The following IGF2R variants were observed in gnomAD, a reference collection of about 807,000 sequenced individuals.
IGF2R encodes insulin like growth factor 2 receptor, also known as cation-independent mannose-6-phosphate receptor.
A neutral mutation model predicts 270.6 loss-of-function variants in IGF2R; 91 were observed. That is an observed-to-expected ratio of 0.34 (90% CI 0.28 to 0.40). The LOEUF is 0.40. Ranked by LOEUF, IGF2R falls within the 10% of genes least tolerant of loss-of-function variation. The pLI is 1.00. For missense variants in IGF2R, 2,805 were observed against 3,188.3 expected (o/e 0.88, Z 2.90); for synonymous variants, 1,316 against 1,258.9 (o/e 1.05, Z -0.96).
intron 31 of IGF2R, 59 bp downstream of exon 31, chr6:160,070,117 A>G (rs1562366511): frequency 2.6e-6 from 4 of 1,524,198 alleles, no homozygotes; most frequent in Admixed American, 1.7e-5. Context: ...GCCCATGTGC[A>G]GGGCGGTGAG....
At chr6:160,003,053 G>A (rs1217112813) in intron 2 of IGF2R, among the ~76,000 whole-genome samples, 1 of 152,186 alleles carries the variant, frequency 6.6e-6, no homozygotes, top group Non-Finnish European at 1.5e-5. Flanking sequence ...TTGGCTTCTT[G>A]TTGGTGACCT....
chr6:160,074,046 T>A, intron 35 of IGF2R, 71 bp downstream of exon 35: 1 of 1,099,224 alleles, frequency 9.1e-7, no homozygotes, highest in South Asian at 1.4e-5. Flanking sequence ...GCGTTGTTTC[T>A]TGCCTTCAGT....
intron 34 of IGF2R, 52 bp downstream of exon 34, chr6:160,073,521 C>T (rs1273038411): frequency 2.5e-6 from 4 of 1,595,064 alleles, no homozygotes; most frequent in East Asian, 4.5e-5. Flanking sequence ...CCTGGCTGCA[C>T]CCGGGCCCCT....
At position 160,009,120 on chromosome 6, in the gene IGF2R, T is replaced by C; in HGVS notation, c.400T>C (p.Cys134Arg). ...HRVQSSIAFL[C>R]GKTLGTPEFV... ...AGTCCAGAGCAGCATTGCCTTCCTG[T>C]GTGGGAAAACCCTGGTGAGTCCACA... Residue 134 changes from cysteine (C) to arginine (R), a missense_variant, in exon 3 of 48, where the codon TGT becomes CGT. Physicochemically the swap from Cys to Arg is radical, Grantham distance 180. This residue lies in a region of IGF2R where 954 missense variants were observed against 981.1 expected (regional missense o/e 0.97). Transcript: ENST00000356956. 6.2e-7 allele frequency: 1 copy of C among 1,613,780 alleles called. No individual in the cohort carries two copies. Among genetic ancestry groups the C allele is most frequent in the East Asian group, 2.2e-5 (1 of 44,858 alleles).
chr6:160,018,889 A>G (rs1362757889), intron 4 of IGF2R, among the ~76,000 whole-genome samples: 1 of 152,190 alleles, frequency 6.6e-6, no homozygotes, highest in Non-Finnish European at 1.5e-5. Flanking sequence ...ACAACCTAAT[A>G]TCACACTTCA....
chr6:160,060,545 A>G lies in IGF2R; in HGVS notation c.3092-2A>G. 2 of 1,614,138 alleles carry G rather than the reference A, an allele frequency of 1.2e-6. No homozygotes were observed. The highest frequency in any genetic ancestry group is 1.7e-6 in the Non-Finnish European group (2 of 1,179,970). Reference sequence around the variant, plus strand: ...TAAAATCTGGGCCTTCTTGCTTTACAGGTACCGCTGATGCTTTTATCGTCC... The same window carrying G: ...TAAAATCTGGGCCTTCTTGCTTTACGGGTACCGCTGATGCTTTTATCGTCC... On this transcript the variant is annotated splice_acceptor_variant, in intron 22 of 47. Transcript: ENST00000356956. LOFTEE classifies it high-confidence loss of function.
intron 4 of IGF2R, among the ~76,000 whole-genome samples, chr6:160,011,610 A>T (rs1321766372): frequency 6.6e-6 from 1 of 150,882 alleles, no homozygotes; most frequent in Non-Finnish European, 1.5e-5. Flanking sequence ...ATACGCAAGA[A>T]TAAATTACAT....
intron 1 of IGF2R, among the ~76,000 whole-genome samples, chr6:159,969,956 A>T (rs3798210): frequency 0.29 from 44,024 of 151,334 alleles, 7,081 homozygotes; most frequent in East Asian, 0.66. Context: ...ATATATATAT[A>T]TTTTTAGCAG....
At chr6:160,089,503 A>G (rs1268771459) in intron 43 of IGF2R, among the ~76,000 whole-genome samples, 1 of 152,202 alleles carries the variant, frequency 6.6e-6, no homozygotes, top group African/African-American at 2.4e-5. Flanking sequence ...TCTTCATGAT[A>G]ATCTCAGGGG....
At chr6:160,078,398 G>C in intron 37 of IGF2R, 36 bp downstream of exon 37, 1 of 1,599,064 alleles carries the variant, frequency 6.3e-7, no homozygotes, top group Non-Finnish European at 8.6e-7. Context: ...TGGTGCAGGT[G>C]TACCAGGTGC....
At chr6:160,007,886 C>T (rs545393196) in intron 2 of IGF2R, among the ~76,000 whole-genome samples, 2 of 152,216 alleles carry the variant, frequency 1.3e-5, no homozygotes, top group South Asian at 4.1e-4. Flanking sequence ...CTTTTTGAGT[C>T]TTAAGAAATC....
intron 1 of IGF2R, among the ~76,000 whole-genome samples, chr6:159,990,856 C>T (rs1783967302): frequency 6.6e-6 from 1 of 152,158 alleles, no homozygotes; most frequent in African/African-American, 2.4e-5. Flanking sequence ...TCTTGAACGC[C>T]TGACCTCGTG....
At chr6:160,094,470 C>G (rs1455529228) in intron 44 of IGF2R, 1 of 158,818 alleles carries the variant, frequency 6.3e-6, no homozygotes, top group African/African-American at 2.4e-5. Flanking sequence ...CGTAGTCATG[C>G]AGTCTTTCTG....
intron 1 of IGF2R, among the ~76,000 whole-genome samples, chr6:159,988,512 CAAAAAAAAAAAAAAA>C: frequency 2.0e-5 from 1 of 50,480 alleles, no homozygotes; most frequent in Non-Finnish European, 3.9e-5. Flanking sequence ...GACTCCGTCT[CAAAAAAAAAAAAAAA>C]AAAAAAAAAG....
intron 11 of IGF2R, 89 bp downstream of exon 11, chr6:160,040,813 C>T (rs1455111434): frequency 2.9e-6 from 4 of 1,364,102 alleles, no homozygotes; most frequent in Non-Finnish European, 4.0e-6. Context: ...TTACTATTTT[C>T]TTTGTCAGTG....
chr6:160,023,284 A>G (rs1365617832), intron 4 of IGF2R, among the ~76,000 whole-genome samples: 1 of 152,072 alleles, frequency 6.6e-6, no homozygotes, highest in Non-Finnish European at 1.5e-5. Context: ...TGTAGACGTG[A>G]GAGAACTTGG....
chr6:160,088,317 A>C (rs996544342), intron 42 of IGF2R, among the ~76,000 whole-genome samples, 170 bp downstream of exon 42: 2 of 152,206 alleles, frequency 1.3e-5, no homozygotes, highest in African/African-American at 4.8e-5. Flanking sequence ...ACCTCCAGAT[A>C]CAGTGCTGAG....
At chr6:160,012,156 T>G (rs1306625383) in intron 4 of IGF2R, among the ~76,000 whole-genome samples, 2 of 150,364 alleles carry the variant, frequency 1.3e-5, no homozygotes, top group Non-Finnish European at 3.0e-5. Context: ...AAAAAAAAAG[T>G]TTAAAGTGGA....
rs765810160 is a variant in IGF2R, at chr6:160,085,023, T to C, written c.6097T>C (p.Tyr2033His). ...SYYINLCQKI[Y>H]KGPLGCSERA... ...CTATATAAATCTGTGCCAGAAAATA[T>C]ATAAAGGGCCCCTGGGCTGCTCTGA... Residue 2033 changes from tyrosine (Y) to histidine (H), a missense_variant, in exon 41 of 48, where the codon TAT becomes CAT. By Grantham distance (83) the Tyr-to-His change is moderately conservative. Around this residue, in one of 2 missense-constraint regions of IGF2R, gnomAD observed 1,851 missense variants for 2,207.2 expected, o/e 0.84. Coordinates refer to ENST00000356956, the MANE Select transcript of IGF2R (RefSeq NM_000876.4). The C allele has an allele frequency of 2.6e-5, 42 of 1,613,958 alleles. No individual in the cohort carries two copies. The highest frequency in any genetic ancestry group is 6.7e-5 in the East Asian group (3 of 44,896).
Sources: allele counts gnomAD v4.1 joint callset (sites outside exome capture counted in the v4.1 genomes callset), GRCh38; gene constraint gnomAD v4.1.1; regional missense constraint gnomAD v4.1.1; transcripts MANE v1.5; gene names NCBI Gene and HGNC (gene_info 2026-07-23, HGNC 2026-07-21).